The following NKTR variants were observed in gnomAD, a reference collection of about 807,000 sequenced individuals.
NKTR encodes the protein natural killer cell triggering receptor, also known as NK-tumor recognition protein.
Under a neutral mutation model 156.3 loss-of-function variants are expected in NKTR, and 67 were observed. That is an observed-to-expected ratio of 0.43 (90% CI 0.35 to 0.53). The LOEUF is 0.53. Ranked by LOEUF, NKTR falls within the 20% of genes least tolerant of loss-of-function variation. NKTR has a pLI of 0.01. For synonymous variants in NKTR, 640 were observed against 596.6 expected, an observed-to-expected ratio of 1.07 and a Z score of -1.06; for missense variants, 1,604 against 1,730.9, an observed-to-expected ratio of 0.93 and a Z score of 1.30.
intron 5 of NKTR, chr3:42,620,000 A>G (rs1177592904): frequency 6.5e-7 from 1 of 1,533,576 alleles, no homozygotes. Flanking sequence ...CTGTCAACAT[A>G]TTCTTTTGTT....
chr3:42,646,149 T>C lies in NKTR; in HGVS notation c.*174T>C, dbSNP rs963748181. 1.7e-5 allele frequency: 8 copies of C among 461,460 alleles called. No individual in the cohort carries two copies. Among genetic ancestry groups the C allele is most frequent in the African/African-American group, 1.4e-4 (7 of 50,780 alleles). 28.6% of individuals were successfully genotyped at this position (461,460 alleles called of 1,614,324 possible). On this transcript the variant is annotated 3_prime_UTR_variant, in exon 17 of 17. Transcript: ENST00000232978. ...GGGAGAAGAATTTAAAATACAGATA[T>C]GTCTCCTAAAAATATTTTTATGCCA...
Position 42,631,177 on chromosome 3 carries a change from T to G in NKTR, c.411T>G (p.His137Gln), listed in dbSNP as rs767941538. 1 of 1,613,890 alleles carries G rather than the reference T, an allele frequency of 6.2e-7. No homozygotes were observed. The change falls in exon 8 of 17, where the codon CAT (histidine) becomes CAG (glutamine). Residue 137 changes from histidine to glutamine, a missense_variant. By Grantham distance (24) the His-to-Gln change is conservative. Around this residue, in one of 6 missense-constraint regions of NKTR, gnomAD observed 61 missense variants for 113.3 expected, o/e 0.54. Transcript: ENST00000232978. ...TGAATTTGTATTATGACAGGGTGCA[T>G]GTAGTCTTTGGACTGGTTATTTCTG... is the stretch of plus-strand genomic sequence containing the variant. Reference protein sequence around the residue: ...TKPAPHLDGVHVVFGLVISGF... With the variant: ...TKPAPHLDGVQVVFGLVISGF...
At chr3:42,619,567 C>T in intron 4 of NKTR, 97 bp from the exon 5 acceptor site, 1 of 1,575,932 alleles carries the variant, frequency 6.3e-7, no homozygotes, top group Non-Finnish European at 8.6e-7. Context: ...TATAACATTC[C>T]AAGGTTTCCT....
At chr3:42,644,952 A>T (rs903959617) in intron 16 of NKTR, among the ~76,000 whole-genome samples, 1 of 150,822 alleles carries the variant, frequency 6.6e-6, no homozygotes, top group African/African-American at 2.5e-5. Context: ...CTTGAACCCC[A>T]GAGAACTATA....
chr3:42,625,251 C>T (rs1175837691), intron 6 of NKTR, among the ~76,000 whole-genome samples: 2 of 152,080 alleles, frequency 1.3e-5, no homozygotes, highest in African/African-American at 2.4e-5. Flanking sequence ...CATGAGTCTG[C>T]GCAGCCATAG....
At position 42,645,932 on chromosome 3, in the gene NKTR, A is replaced by G. The variant is rs1710324325; in HGVS notation, c.4346A>G (p.Tyr1449Cys). 6.2e-7 allele frequency: 1 copy of G among 1,613,600 alleles called. No homozygotes were observed. The highest frequency in any genetic ancestry group is 1.3e-5 in the African/African-American group (1 of 74,904). The change falls in exon 17 of 17, where the codon TAC becomes TGC. Residue 1449 changes from tyrosine to cysteine, a missense_variant. Physicochemically the swap from Tyr to Cys is radical, Grantham distance 194. This residue lies in a region of NKTR where 193 missense variants were observed against 220.2 expected (regional missense o/e 0.88). Coordinates refer to ENST00000232978, the MANE Select transcript of NKTR (RefSeq NM_005385.4). ...YGSDSESDRSYSHHRSPSESS... is the reference protein window; with the variant it reads ...YGSDSESDRSCSHHRSPSESS... ...TCTGACAGTGAAAGTGACCGAAGTT[A>G]CTCTCATCACCGGAGCCCCAGTGAG... is the stretch of plus-strand genomic sequence containing the variant.
In NKTR at chr3:42,641,677, A is replaced by C. The variant is rs188580586; in HGVS notation, c.4047-824A>C. Among the ~76,000 whole-genome samples, 1,041 of 152,252 alleles carry C rather than the reference A, an allele frequency of 6.8e-3. 13 individuals carry two copies. Among genetic ancestry groups the C allele is most frequent in the African/African-American group, 0.024 (976 of 41,524 alleles). ...GGCAGATCACAAGGTCAGGAGTTCA[A>C]CACCAGCCTAACCAACATGGTGAAA... On this transcript the variant is annotated intron_variant, in intron 13 of 16. Coordinates refer to ENST00000232978, the MANE Select transcript of NKTR (RefSeq NM_005385.4).
Position 42,643,345 on chromosome 3 carries a change from C to T in NKTR, c.4149C>T (p.Ser1383=), listed in dbSNP as rs946578009. The T allele has an allele frequency of 8.7e-6, 14 of 1,613,898 alleles. No homozygotes were observed. Among genetic ancestry groups the T allele is most frequent in the Non-Finnish European group, 1.0e-5 (12 of 1,179,818 alleles). Residue 1383 remains serine (S), a synonymous_variant, in exon 15 of 17, where the codon TCC becomes TCT. Transcript: ENST00000232978. ...SYRSYKSHRT[S]SRSRSRSSSY... Reference sequence around the variant, plus strand: ...TTCATGTGATTAATATTAGGACGTCCAGCAGGAGCAGATCCAGGAGCAGCT... The same window carrying T: ...TTCATGTGATTAATATTAGGACGTCTAGCAGGAGCAGATCCAGGAGCAGCT...
At chr3:42,616,189 A>G (rs998848818) in intron 2 of NKTR, among the ~76,000 whole-genome samples, 4 of 152,220 alleles carry the variant, frequency 2.6e-5, no homozygotes, top group East Asian at 1.9e-4. Context: ...TGTTCTGAAC[A>G]TGATTTATGC....
At chr3:42,618,083 G>A (rs1350787254) in intron 3 of NKTR, among the ~76,000 whole-genome samples, 2 of 152,068 alleles carry the variant, frequency 1.3e-5, no homozygotes, top group Admixed American at 1.3e-4. Context: ...GGGTGCGGTG[G>A]CTCAAGCCTG....
chr3:42,635,279 G>T lies in NKTR; in HGVS notation c.1076G>T (p.Ser359Ile). 1 of 1,613,836 alleles carries T rather than the reference G, an allele frequency of 6.2e-7. No homozygotes were observed. The highest frequency in any genetic ancestry group is 8.5e-7 in the Non-Finnish European group (1 of 1,179,810). ...TCTGAGTCAGATGATGATGACAGCA[G>T]TGAAACTCCTCCTCACTGGAAAGAG... ...SCSESDDDDS[S>I]ETPPHWKEEM... Residue 359 changes from serine (S) to isoleucine (I), a missense_variant, in exon 12 of 17, where the codon AGT (serine) becomes ATT (isoleucine). Coordinates refer to ENST00000232978, the MANE Select transcript of NKTR (RefSeq NM_005385.4).
At position 42,619,016 on chromosome 3, in the gene NKTR, C is replaced by G; in HGVS notation, c.134-4C>G. 1 of 1,261,098 alleles carries G rather than the reference C, an allele frequency of 7.9e-7. No homozygotes were observed. Among genetic ancestry groups the G allele is most frequent in the Non-Finnish European group, 1.0e-6 (1 of 958,698 alleles). 78.1% of individuals were successfully genotyped at this position (1,261,098 alleles called of 1,614,324 possible). ...TCATTTCTTTTTTTTTTTTTTTTTT[C>G]CAGGAGAGAAAGGCCTTGGGAAAAC... On this transcript the variant is annotated splice_region_variant and splice_polypyrimidine_tract_variant and intron_variant, in intron 3 of 16. Transcript: ENST00000232978.
intron 3 of NKTR, among the ~76,000 whole-genome samples, chr3:42,618,650 G>T (rs1205778430): frequency 6.6e-6 from 1 of 151,866 alleles, no homozygotes; most frequent in African/African-American, 2.4e-5. Context: ...ATTTCACCCT[G>T]TTGGCCAAGC....
At chr3:42,643,449 T>C in intron 15 of NKTR, 54 bp downstream of exon 15, 1 of 1,403,576 alleles carries the variant, frequency 7.1e-7, no homozygotes, top group South Asian at 1.2e-5. Flanking sequence ...AGATCTTGTT[T>C]TGTAAACTGT....
At chr3:42,632,061 C>CTTTTTTTTT (rs564114469) in intron 8 of NKTR, among the ~76,000 whole-genome samples, 3 of 86,496 alleles carry the variant, frequency 3.5e-5, no homozygotes, top group African/African-American at 4.9e-5. Context: ...TTATGCAATT[C>CTTTTTTTTT]TTTTTTTTTT....
intron 2 of NKTR, among the ~76,000 whole-genome samples, chr3:42,609,000 C>T (rs1168326811): frequency 6.6e-6 from 1 of 152,038 alleles, no homozygotes; most frequent in Non-Finnish European, 1.5e-5. Context: ...TGGTGGCGAG[C>T]ACCTGTAATC....
At chr3:42,627,512 C>T in intron 6 of NKTR, 1 of 985,090 alleles carries the variant, frequency 1.0e-6, no homozygotes, top group Non-Finnish European at 1.2e-6. Context: ...TGGAATTAGT[C>T]ATTTCTGTAT....
intron 2 of NKTR, among the ~76,000 whole-genome samples, chr3:42,604,440 C>T (rs1705982333): frequency 6.6e-6 from 1 of 151,568 alleles, no homozygotes; most frequent in African/African-American, 2.4e-5. Context: ...CTAGAGAACA[C>T]ACATGATTTC....
intron 2 of NKTR, among the ~76,000 whole-genome samples, chr3:42,613,768 G>C (rs1387322981): frequency 6.6e-6 from 1 of 152,114 alleles, no homozygotes; most frequent in African/African-American, 2.4e-5. Flanking sequence ...AACATGTGTT[G>C]ATATTACCTG....
Sources: gnomAD v4.1 joint callset for allele counts (sites outside exome capture counted in the v4.1 genomes callset) on GRCh38, gnomAD v4.1.1 for gene constraint, gnomAD v4.1.1 regional missense constraint, MANE v1.5 for transcripts, NCBI Gene and HGNC (gene_info 2026-07-23, HGNC 2026-07-21) for gene names.